The following CHRM3 variants were observed in gnomAD, a reference collection of about 807,000 sequenced individuals.
The protein encoded by CHRM3 is muscarinic acetylcholine receptor M3.
A neutral mutation model predicts 41.8 loss-of-function variants in CHRM3; 11 were observed. That is an observed-to-expected ratio of 0.26 (90% confidence interval 0.17 to 0.44). CHRM3 has a LOEUF of 0.44. Ranked by LOEUF, CHRM3 falls within the 20% of genes least tolerant of loss-of-function variation. CHRM3 has a pLI of 1.00. For missense variants in CHRM3, 571 were observed against 745.4 expected (o/e 0.77, Z 2.72); for synonymous variants, 297 against 301.4 (o/e 0.99, Z 0.15).
At chr1:239,639,617 T>C (rs975333767) in intron 4 of CHRM3, among the ~76,000 whole-genome samples, 5 of 151,666 alleles carry the variant, frequency 3.3e-5, no homozygotes, top group African/African-American at 1.2e-4. Flanking sequence ...TGATTTTGTA[T>C]CCTGAGACTT....
At chr1:239,867,685 C>CA (rs36006087) in intron 6 of CHRM3, among the ~76,000 whole-genome samples, 98,406 of 134,770 alleles carry the variant, frequency 0.73, 39,379 homozygotes, top group East Asian at 0.92. Context: ...GACTCTGTCT[C>CA]AAAAAAAAAA....
intron 4 of CHRM3, among the ~76,000 whole-genome samples, chr1:239,671,703 G>A (rs1674386346): frequency 6.6e-6 from 1 of 151,916 alleles, no homozygotes; most frequent in South Asian, 2.1e-4. Context: ...GAGGTGGGGT[G>A]TAGGTTACAT....
intron 5 of CHRM3, among the ~76,000 whole-genome samples, chr1:239,822,398 T>G (rs940175026): frequency 7.2e-5 from 11 of 152,174 alleles, no homozygotes; most frequent in African/African-American, 9.7e-5. Flanking sequence ...GCAAGAGAGC[T>G]TTTCTACTTT....
intron 1 of CHRM3, among the ~76,000 whole-genome samples, chr1:239,491,183 C>G (rs1360123269): frequency 2.0e-5 from 3 of 152,156 alleles, no homozygotes; most frequent in Non-Finnish European, 4.4e-5. Flanking sequence ...ATTATCATGT[C>G]TTTGTGTTGA....
intron 4 of CHRM3, among the ~76,000 whole-genome samples, chr1:239,653,074 T>C (rs1251098745): frequency 6.6e-6 from 1 of 152,186 alleles, no homozygotes; most frequent in East Asian, 1.9e-4. Flanking sequence ...AATCAGGTTT[T>C]ATTGAGGAAC....
intron 2 of CHRM3, among the ~76,000 whole-genome samples, chr1:239,527,387 C>G (rs769232670): frequency 5.9e-5 from 9 of 152,062 alleles, no homozygotes; most frequent in Non-Finnish European, 1.0e-4. Flanking sequence ...ATAATTGAGG[C>G]CCTTACAAAG....
intron 5 of CHRM3, among the ~76,000 whole-genome samples, chr1:239,771,781 C>A (rs555563162): frequency 6.6e-6 from 1 of 152,312 alleles, no homozygotes; most frequent in South Asian, 2.1e-4. Context: ...AGACAGCATG[C>A]CACATTTGGC....
chr1:239,707,686 G>C (rs1661331624), intron 5 of CHRM3: 1 of 152,100 alleles, frequency 6.6e-6, no homozygotes, highest in South Asian at 2.1e-4. Context: ...TGCTTTTGTA[G>C]TTTTTTTGTA....
rs1444506731 is a variant in CHRM3, at chr1:239,508,091, TTTTGGAGTC to T, written c.-422+15291_-422+15299del. ...ACACCAGACAAGCTTCTCCTTTAAA[TTTTGGAGTC>T]TTTGGAAATGACTAGTAATTATATT... is the stretch of plus-strand genomic sequence containing the variant. On this transcript the variant is annotated intron_variant, in intron 2 of 6. Transcript: ENST00000676153. Among the ~76,000 whole-genome samples, 3 of 152,182 alleles carry T rather than the reference TTTTGGAGTC, an allele frequency of 2.0e-5. No homozygotes were observed. In the East Asian group the frequency reaches 5.8e-4, roughly 29 times the overall value.
At chr1:239,657,601 G>C (rs1444226243) in intron 4 of CHRM3, among the ~76,000 whole-genome samples, 5 of 152,298 alleles carry the variant, frequency 3.3e-5, no homozygotes, top group Admixed American at 1.3e-4. Context: ...CATTTGCAAA[G>C]CTTTCTTTTT....
chr1:239,642,688 T>G (rs374281593), intron 4 of CHRM3, among the ~76,000 whole-genome samples: 1 of 152,200 alleles, frequency 6.6e-6, no homozygotes, highest in African/African-American at 2.4e-5. Flanking sequence ...TCAAAGTTTT[T>G]AACTTCTTTG....
At chr1:239,508,072 G>A (rs1244664420) in intron 2 of CHRM3, among the ~76,000 whole-genome samples, 1 of 152,156 alleles carries the variant, frequency 6.6e-6, no homozygotes, top group Non-Finnish European at 1.5e-5. Context: ...GGTGACACCA[G>A]ACAAGCTTCT....
intron 1 of CHRM3, among the ~76,000 whole-genome samples, chr1:239,484,195 C>G (rs1332732269): frequency 6.6e-6 from 1 of 152,152 alleles, no homozygotes; most frequent in African/African-American, 2.4e-5. Context: ...CATGGCACCA[C>G]CATCTGCTCA....
At position 239,613,233 on chromosome 1, in the gene CHRM3, T is replaced by C. The variant is rs143854862; in HGVS notation, c.-312-18991T>C. 3.3e-5 allele frequency among the ~76,000 whole-genome samples: 5 copies of C among 152,278 alleles called. No individual in the cohort carries two copies. The East Asian group carries it at 9.7e-4, about 30-fold the overall frequency. On this transcript the variant is annotated intron_variant, in intron 3 of 6. Transcript: ENST00000676153. Reference sequence around the variant, plus strand: ...TTTGCTAAACCAAGAACAGATTGCATGTAGGGTGTGCACAAGCAAAGGCCA... The same window carrying C: ...TTTGCTAAACCAAGAACAGATTGCACGTAGGGTGTGCACAAGCAAAGGCCA...
At chr1:239,437,513 A>G (rs1471715241) in intron 1 of CHRM3, among the ~76,000 whole-genome samples, 3 of 152,280 alleles carry the variant, frequency 2.0e-5, no homozygotes, top group South Asian at 2.1e-4. Context: ...AATTGTGGTG[A>G]CATGGAAAGC....
chr1:239,556,505 G>C (rs961098413), intron 3 of CHRM3, among the ~76,000 whole-genome samples: 3 of 152,136 alleles, frequency 2.0e-5, no homozygotes, highest in African/African-American at 7.2e-5. Context: ...AATATAAAAA[G>C]ATGTTTGCCA....
At chr1:239,430,714 T>A (rs1434357305) in intron 1 of CHRM3, among the ~76,000 whole-genome samples, 1 of 151,690 alleles carries the variant, frequency 6.6e-6, no homozygotes. Context: ...CACACACATA[T>A]GTATGCACAC....
At position 239,684,690 on chromosome 1, in the gene CHRM3, GGAGA is replaced by G. The variant is rs573080024; in HGVS notation, c.-147+6418_-147+6421del. Among the ~76,000 whole-genome samples the G allele has an allele frequency of 3.4e-3, 400 of 119,240 alleles. 1 individual carries two copies. The highest frequency in any genetic ancestry group is 7.1e-3 in the African/African-American group (227 of 31,804). 78.2% of individuals were successfully genotyped at this position (119,240 alleles called of 152,430 possible). On this transcript the variant is annotated intron_variant, in intron 5 of 6. Coordinates refer to ENST00000676153, the MANE Select transcript of CHRM3 (RefSeq NM_001375978.1). ...AGAAAGAAAAAAAGGAAGGAAGGAA[GGAGA>G]GAGAGAGAGAGAGAGGAAAGAAGAA...
At chr1:239,400,291 T>A (rs1050489704) in intron 1 of CHRM3, among the ~76,000 whole-genome samples, 4 of 152,236 alleles carry the variant, frequency 2.6e-5, no homozygotes, top group Admixed American at 1.3e-4. Context: ...GCCTATTTTT[T>A]AATCAGATTA....
Sources: allele counts gnomAD v4.1 joint callset (sites outside exome capture counted in the v4.1 genomes callset), GRCh38; gene constraint gnomAD v4.1.1; transcripts MANE v1.5; gene names NCBI Gene and HGNC (gene_info 2026-07-23, HGNC 2026-07-21).